STARD13: variants seen among roughly 807,000 people sequenced by gnomAD.
STARD13 encodes the protein stAR-related lipid transfer protein 13.
STARD13 carries 62 observed loss-of-function variants against 106.4 expected under a neutral mutation model. That is an observed-to-expected ratio of 0.58 (90% CI 0.48 to 0.72). The LOEUF is 0.72. STARD13 is among the 30% of genes least tolerant of loss of function. The pLI is 0.00. For missense variants in STARD13, 1,387 were observed against 1,424.0 expected, an observed-to-expected ratio of 0.97 and a Z score of 0.42; for synonymous variants, 565 against 553.0, an observed-to-expected ratio of 1.02 and a Z score of -0.31.
upstream of STARD13, among the ~76,000 whole-genome samples, chr13:33,286,439 C>A (rs892498963): frequency 2.0e-5 from 3 of 152,066 alleles, no homozygotes; most frequent in East Asian, 5.8e-4. Flanking sequence ...TTTTTAATCA[C>A]CTAGAGGTAA....
the STARD13 span, among the ~76,000 whole-genome samples, chr13:33,584,374 G>A: frequency 6.6e-6 from 1 of 152,080 alleles, no homozygotes; most frequent in East Asian, 1.9e-4. Context: ...CAGAGCAGGA[G>A]CAAGAAAGAG....
At chr13:33,179,207 T>C (rs779442493) in intron 1 of STARD13, among the ~76,000 whole-genome samples, 1 of 152,204 alleles carries the variant, frequency 6.6e-6, no homozygotes, top group African/African-American at 2.4e-5. Context: ...TTTGAGGGCA[T>C]AATTGAACCA....
chr13:33,438,329 G>A, the STARD13 span, among the ~76,000 whole-genome samples: 1 of 152,164 alleles, frequency 6.6e-6, no homozygotes, highest in Admixed American at 6.5e-5. Context: ...TGCAGTATCA[G>A]CTCCTTTAAT....
intron 1 of STARD13, among the ~76,000 whole-genome samples, chr13:33,268,475 G>A (rs183534047): frequency 4.6e-5 from 7 of 152,312 alleles, no homozygotes; most frequent in Admixed American, 1.3e-4. Flanking sequence ...TAAGAGCCGG[G>A]CTCTGTGATA....
chr13:33,528,243 C>CAT, the STARD13 span, among the ~76,000 whole-genome samples: 737 of 93,404 alleles, frequency 7.9e-3, 36 homozygotes, highest in African/African-American at 0.038. Flanking sequence ...TATATATATA[C>CAT]ATATATATAT....
the STARD13 span, among the ~76,000 whole-genome samples, chr13:33,356,970 T>C: frequency 6.6e-6 from 1 of 152,344 alleles, no homozygotes; most frequent in Admixed American, 6.5e-5. Context: ...AAAGAACTCT[T>C]TGTTCTACCT....
At chr13:33,667,182 A>G in the STARD13 span, among the ~76,000 whole-genome samples, 2 of 152,346 alleles carry the variant, frequency 1.3e-5, no homozygotes, top group South Asian at 4.1e-4. Flanking sequence ...GAAAGATATG[A>G]TGATAAGTGC....
the STARD13 span, among the ~76,000 whole-genome samples, chr13:33,398,067 T>C: frequency 6.6e-6 from 1 of 152,208 alleles, no homozygotes; most frequent in African/African-American, 2.4e-5. Context: ...CCAAATTGTA[T>C]GGTCAACTGG....
chr13:33,372,081 A>G, the STARD13 span, among the ~76,000 whole-genome samples: 18 of 152,340 alleles, frequency 1.2e-4, no homozygotes, highest in South Asian at 3.7e-3. Flanking sequence ...TCACTTCAAA[A>G]CAAAGGTTAG....
intron 1 of STARD13, among the ~76,000 whole-genome samples, chr13:33,319,163 A>C (rs1342157346): frequency 6.6e-6 from 1 of 152,264 alleles, no homozygotes; most frequent in Non-Finnish European, 1.5e-5. Context: ...TCTACTGATA[A>C]ACAGATAAAC....
chr13:33,230,523 T>C (rs1888863325), intron 1 of STARD13, among the ~76,000 whole-genome samples: 1 of 152,244 alleles, frequency 6.6e-6, no homozygotes, highest in African/African-American at 2.4e-5. Context: ...TACTGCTGAA[T>C]GATTTTGAGA....
At chr13:33,413,702 G>A in the STARD13 span, among the ~76,000 whole-genome samples, 2 of 152,028 alleles carry the variant, frequency 1.3e-5, no homozygotes, top group Non-Finnish European at 2.9e-5. Flanking sequence ...AAAGAAATGA[G>A]CAGACATTTC....
chr13:33,140,882 C>T (rs1464030833), intron 4 of STARD13, among the ~76,000 whole-genome samples: 5 of 151,954 alleles, frequency 3.3e-5, no homozygotes, highest in Non-Finnish European at 1.5e-5. Flanking sequence ...CCTCAGCCTC[C>T]CGATTAGCTG....
At position 33,129,482 on chromosome 13, in the gene STARD13, T is replaced by C. The variant is rs1194253463; in HGVS notation, c.1195A>G (p.Lys399Glu). 6 of 1,614,214 alleles carry C rather than the reference T, an allele frequency of 3.7e-6. No homozygotes were observed. Among genetic ancestry groups the C allele is most frequent in the Non-Finnish European group, 5.1e-6 (6 of 1,180,038 alleles). Residue 399 changes from lysine to glutamate, a missense_variant, in exon 5 of 14, where the codon AAG (lysine) becomes GAG (glutamate). Lys to Glu is a moderately conservative substitution (Grantham distance 56). Transcript: ENST00000336934. Reference sequence around the variant, plus strand: ...GGGAATGTTCCTGGTTTGTGATCCTTGGGAATATGCACCACCAAATTCTCT... The same window carrying C: ...GGGAATGTTCCTGGTTTGTGATCCTCGGGAATATGCACCACCAAATTCTCT... The part of the protein sequence containing the change: ...SQENLVVHIP[K>E]DHKPGTFPKA...
chr13:33,221,379 C>T (rs911296816), intron 1 of STARD13, among the ~76,000 whole-genome samples: 3 of 152,172 alleles, frequency 2.0e-5, no homozygotes, highest in South Asian at 2.1e-4. Flanking sequence ...TCAAGCTTCA[C>T]CCATGTTGTA....
chr13:33,233,765 G>A (rs865813630), intron 1 of STARD13, among the ~76,000 whole-genome samples: 8 of 70 alleles, frequency 0.11, no homozygotes, highest in East Asian at 0.5. Context: ...CCCCCTCTGG[G>A]GCTTAGGGTT....
chr13:33,450,653 T>C, the STARD13 span, among the ~76,000 whole-genome samples: 23 of 152,318 alleles, frequency 1.5e-4, no homozygotes, highest in East Asian at 4.2e-3. Context: ...CTTTTTTGTT[T>C]AGATATACAA....
At chr13:33,617,528 A>C in the STARD13 span, among the ~76,000 whole-genome samples, 1 of 152,204 alleles carries the variant, frequency 6.6e-6, no homozygotes, top group African/African-American at 2.4e-5. Context: ...CTGCAAAAGA[A>C]AATTATCTGC....
At chr13:33,305,867 C>T (rs1439632035) in intron 1 of STARD13, among the ~76,000 whole-genome samples, 1 of 152,170 alleles carries the variant, frequency 6.6e-6, no homozygotes, top group Non-Finnish European at 1.5e-5. Flanking sequence ...AAATGAGAAT[C>T]TTCTAATCAA....
Sources: allele counts gnomAD v4.1 joint callset (sites outside exome capture counted in the v4.1 genomes callset), GRCh38; gene constraint gnomAD v4.1.1; transcripts MANE v1.5; gene names NCBI Gene and HGNC (gene_info 2026-07-23, HGNC 2026-07-21).